Variants in PPARGC1A observed in about 807,000 individuals in gnomAD.
The protein encoded by PPARGC1A is peroxisome proliferator-activated receptor gamma coactivator 1-alpha.
In PPARGC1A, 25 loss-of-function variants were observed where a neutral mutation model predicts 88.7. The ratio of observed to expected loss-of-function variants is 0.28; its 90% confidence interval spans 0.21 to 0.39. The LOEUF (loss-of-function observed/expected upper bound fraction) is 0.39, where lower values mean the gene tolerates loss of function less well. Ranked by LOEUF, PPARGC1A falls within the 10% of genes least tolerant of loss-of-function variation. The pLI is 1.00. For synonymous variants in PPARGC1A, 363 were observed against 355.6 expected, an observed-to-expected ratio of 1.02 and a Z score of -0.24; for missense variants, 880 against 968.7, an observed-to-expected ratio of 0.91 and a Z score of 1.22.
chr4:23,814,191 T>C lies in PPARGC1A; in HGVS notation c.1292A>G (p.Gln431Arg). 6.2e-7 allele frequency: 1 copy of C among 1,614,120 alleles called. No homozygotes were observed. The highest frequency in any genetic ancestry group is 8.5e-7 in the Non-Finnish European group (1 of 1,180,008). Residue 431 changes from glutamine (Q) to arginine (R), a missense_variant, in exon 8 of 13, where the codon CAG becomes CGG. Coordinates refer to ENST00000264867, the MANE Select transcript of PPARGC1A (RefSeq NM_013261.5). Reference sequence around the variant, plus strand: ...CTCCAAAGTCTCTCTCAGGTAGCACTGGTCTGAATCTGTGGAAGAACAAAT... The same window carrying C: ...CTCCAAAGTCTCTCTCAGGTAGCACCGGTCTGAATCTGTGGAAGAACAAAT... The part of the protein sequence containing the change: ...GQICSSTDSD[Q>R]CYLRETLEAS...
the PPARGC1A span, among the ~76,000 whole-genome samples, chr4:24,139,906 G>A: frequency 1.3e-5 from 2 of 152,130 alleles, no homozygotes; most frequent in Non-Finnish European, 2.9e-5. Context: ...AACCTAAAAG[G>A]CAACATCTCT....
chr4:23,998,427 C>T, the PPARGC1A span, among the ~76,000 whole-genome samples: 41 of 151,920 alleles, frequency 2.7e-4, no homozygotes, highest in African/African-American at 6.3e-4. Context: ...GGCAAACCTA[C>T]GGCAATTTTT....
the PPARGC1A span, among the ~76,000 whole-genome samples, chr4:24,393,374 GC>G: frequency 0.17 from 25,131 of 152,096 alleles, 2,245 homozygotes; most frequent in Non-Finnish European, 0.18. Context: ...TTGAGAAACG[GC>G]CCCTTCCTGT....
chr4:24,248,608 C>T, the PPARGC1A span, among the ~76,000 whole-genome samples: 1 of 152,176 alleles, frequency 6.6e-6, no homozygotes, highest in Admixed American at 6.5e-5. Flanking sequence ...ATCTGGAACC[C>T]AGCTGTATTC....
At chr4:24,093,813 A>G in the PPARGC1A span, among the ~76,000 whole-genome samples, 2 of 152,090 alleles carry the variant, frequency 1.3e-5, no homozygotes, top group South Asian at 2.1e-4. Flanking sequence ...TTATTTTCTA[A>G]CTCTGTGTCC....
chr4:24,231,124 C>T, the PPARGC1A span, among the ~76,000 whole-genome samples: 1 of 149,808 alleles, frequency 6.7e-6, no homozygotes, highest in Non-Finnish European at 1.5e-5. Flanking sequence ...GCAGTGCTTC[C>T]AAGAGAAAAA....
At chr4:24,270,349 G>GTA in the PPARGC1A span, among the ~76,000 whole-genome samples, 2 of 142,774 alleles carry the variant, frequency 1.4e-5, no homozygotes, top group Non-Finnish European at 3.0e-5. Flanking sequence ...GTGTGTGTGT[G>GTA]TGTGTGTATG....
chr4:23,889,356 T>G (rs769218776), intron 1 of PPARGC1A: 1 of 985,374 alleles, frequency 1.0e-6, no homozygotes, highest in Non-Finnish European at 1.2e-6. Flanking sequence ...GCAGCATCGT[T>G]GTTTTGTGTT....
At position 23,812,898 on chromosome 4, in the gene PPARGC1A, C is replaced by T. The variant is rs748900486; in HGVS notation, c.1899-31G>A. 21 of 1,613,874 alleles carry T rather than the reference C, an allele frequency of 1.3e-5. No individual in the cohort carries two copies. The East Asian group carries it at 3.8e-4, about 29-fold the overall frequency. Reference sequence around the variant, plus strand: ...AAACATAACTTTATCACTAAGTCAACCACCTCAATTTTCATGAGCAAAATG... The same window carrying T: ...AAACATAACTTTATCACTAAGTCAATCACCTCAATTTTCATGAGCAAAATG... On this transcript the variant is annotated intron_variant, in intron 9 of 12. Coordinates refer to ENST00000264867, the MANE Select transcript of PPARGC1A (RefSeq NM_013261.5).
the PPARGC1A span, among the ~76,000 whole-genome samples, chr4:24,359,229 A>G: frequency 6.6e-6 from 1 of 152,148 alleles, no homozygotes; most frequent in Non-Finnish European, 1.5e-5. Context: ...AATAACTTCC[A>G]TCCAGATCTT....
the PPARGC1A span, among the ~76,000 whole-genome samples, chr4:24,442,017 T>C: frequency 4.6e-5 from 7 of 152,226 alleles, no homozygotes; most frequent in African/African-American, 1.7e-4. Flanking sequence ...GATGTTTATA[T>C]TCATTTTCTC....
At chr4:24,098,196 A>C in the PPARGC1A span, among the ~76,000 whole-genome samples, 2 of 152,180 alleles carry the variant, frequency 1.3e-5, no homozygotes, top group East Asian at 3.8e-4. Flanking sequence ...TAAATTCTTG[A>C]TTCACTTTAG....
At chr4:24,352,042 C>T in the PPARGC1A span, among the ~76,000 whole-genome samples, 25 of 152,136 alleles carry the variant, frequency 1.6e-4, no homozygotes, top group African/African-American at 4.3e-4. Flanking sequence ...ATCAAGGAGG[C>T]GCCAGGGGGA....
upstream of PPARGC1A, among the ~76,000 whole-genome samples, chr4:23,907,736 C>CGAGTAGTTA (rs1720222588): frequency 6.6e-6 from 1 of 152,198 alleles, no homozygotes; most frequent in African/African-American, 2.4e-5. Flanking sequence ...CTACGTAGTT[C>CGAGTAGTTA]GAGTGGCTCA....
the PPARGC1A span, among the ~76,000 whole-genome samples, chr4:24,350,157 C>T: frequency 1.3e-5 from 2 of 152,196 alleles, no homozygotes; most frequent in Non-Finnish European, 2.9e-5. Flanking sequence ...TTGGGTGTCT[C>T]CCAGGAGCAG....
the PPARGC1A span, among the ~76,000 whole-genome samples, chr4:24,160,749 G>A: frequency 6.6e-6 from 1 of 152,132 alleles, no homozygotes; most frequent in Non-Finnish European, 1.5e-5. Context: ...CCTAGAACAG[G>A]CCCTGACACT....
chr4:24,446,199 C>T, the PPARGC1A span, among the ~76,000 whole-genome samples: 2 of 152,280 alleles, frequency 1.3e-5, no homozygotes, highest in Admixed American at 6.5e-5. Context: ...ATAAGAAGGA[C>T]GGTTGAATTT....
At chr4:24,179,661 A>G in the PPARGC1A span, among the ~76,000 whole-genome samples, 1 of 152,170 alleles carries the variant, frequency 6.6e-6, no homozygotes, top group Non-Finnish European at 1.5e-5. Context: ...ATGAACCCAG[A>G]TGAGACAAGC....
the PPARGC1A span, among the ~76,000 whole-genome samples, chr4:24,052,854 AT>A: frequency 0.042 from 2,760 of 65,454 alleles, 8 homozygotes; most frequent in African/African-American, 0.088. Context: ...GCGTACGCAG[AT>A]TTTTTTTTTT....
Sources: allele counts gnomAD v4.1 joint callset (sites outside exome capture counted in the v4.1 genomes callset), GRCh38; gene constraint gnomAD v4.1.1; transcripts MANE v1.5; gene names NCBI Gene and HGNC (gene_info 2026-07-23, HGNC 2026-07-21).